The following DOCK10 variants were observed in gnomAD, a reference collection of about 807,000 sequenced individuals.
DOCK10 encodes the protein dedicator of cytokinesis 10.
DOCK10 carries 145 observed loss-of-function variants against 280.1 expected under a neutral mutation model. The observed-to-expected ratio is 0.52, with a 90% CI of 0.45 to 0.59. The LOEUF (loss-of-function observed/expected upper bound fraction) is 0.59, where lower values mean the gene tolerates loss of function less well. Ranked by LOEUF, DOCK10 falls within the 20% of genes least tolerant of loss-of-function variation. The pLI is 0.00. For missense variants in DOCK10, 2,368 were observed against 2,651.7 expected (o/e 0.89, Z 2.35); for synonymous variants, 915 against 942.2 (o/e 0.97, Z 0.53).
chr2:224,891,103 GTGGA>G (rs1387327561), intron 4 of DOCK10, among the ~76,000 whole-genome samples: 1 of 149,184 alleles, frequency 6.7e-6, no homozygotes, highest in African/African-American at 2.5e-5. Context: ...GGATGGATGG[GTGGA>G]TGGATGGACA....
intron 1 of DOCK10, among the ~76,000 whole-genome samples, chr2:225,014,081 A>ATATATATATATATATATATTTT (rs776104946): frequency 1.0e-5 from 1 of 96,800 alleles, no homozygotes; most frequent in African/African-American, 4.7e-5. Context: ...GTCTGAATAT[A>ATATATATATATATATATATTTT]TTGTTTTTTT....
intron 1 of DOCK10, among the ~76,000 whole-genome samples, chr2:225,004,618 G>A (rs948392633): frequency 6.6e-6 from 1 of 152,220 alleles, no homozygotes; most frequent in Non-Finnish European, 1.5e-5. Context: ...AGAAATGGGG[G>A]AGCTGTGTTT....
intron 4 of DOCK10, among the ~76,000 whole-genome samples, chr2:224,894,852 G>A (rs1461974620): frequency 6.6e-6 from 1 of 152,138 alleles, no homozygotes; most frequent in Non-Finnish European, 1.5e-5. Flanking sequence ...TCTCCATAGA[G>A]TAGCCCAAGA....
intron 53 of DOCK10, among the ~76,000 whole-genome samples, chr2:224,772,711 A>T (rs889358599): frequency 2.0e-5 from 3 of 152,250 alleles, no homozygotes; most frequent in African/African-American, 7.2e-5. Context: ...TGAGCATGCC[A>T]TCTGCTTCCT....
At position 225,041,534 on chromosome 2, in the gene DOCK10, C is replaced by T. The variant is rs146954826; in HGVS notation, c.123+718G>A. 9.9e-5 allele frequency among the ~76,000 whole-genome samples: 15 copies of T among 152,262 alleles called. No individual in the cohort carries two copies. In the East Asian group the frequency reaches 2.9e-3, roughly 29 times the overall value. ...CGGAAATCACCCAGCACTTAGAAGC[C>T]GTTTCAATAAGGAAGTAACCAGTAA... On this transcript the variant is annotated intron_variant, in intron 1 of 55. Transcript: ENST00000258390.
At chr2:224,822,626 C>T (rs1180445454) in intron 28 of DOCK10, among the ~76,000 whole-genome samples, 7 of 151,980 alleles carry the variant, frequency 4.6e-5, no homozygotes, top group East Asian at 3.9e-4. Context: ...GTGGGAGGAT[C>T]GCCTGAGCCC....
At chr2:224,845,943 C>G (rs1183429442) in intron 19 of DOCK10, among the ~76,000 whole-genome samples, 1 of 152,120 alleles carries the variant, frequency 6.6e-6, no homozygotes, top group East Asian at 1.9e-4. Flanking sequence ...AGGCTGGTCT[C>G]AAACTCCTGA....
At chr2:224,939,050 C>G (rs1338764709) in intron 1 of DOCK10, among the ~76,000 whole-genome samples, 1 of 152,212 alleles carries the variant, frequency 6.6e-6, no homozygotes, top group East Asian at 1.9e-4. Flanking sequence ...TCAGATTAAG[C>G]TGAATTTGGA....
At chr2:225,018,527 T>TATATATGTAATATTATATATATA (rs1689680523) in intron 1 of DOCK10, among the ~76,000 whole-genome samples, 1 of 34,558 alleles carries the variant, frequency 2.9e-5, no homozygotes, top group African/African-American at 9.4e-5. Context: ...ATATATATAA[T>TATATATGTAATATTATATATATA]ATATATGTAA....
intron 11 of DOCK10, among the ~76,000 whole-genome samples, chr2:224,870,848 A>G (rs1226216022): frequency 3.2e-5 from 2 of 63,482 alleles, no homozygotes; most frequent in East Asian, 7.1e-4. Context: ...TTTTTTTGAG[A>G]CGGAGTCTCA....
intron 1 of DOCK10, among the ~76,000 whole-genome samples, chr2:225,026,093 AG>A (rs1248226026): frequency 6.6e-6 from 1 of 152,132 alleles, no homozygotes; most frequent in African/African-American, 2.4e-5. Flanking sequence ...AAGAGAAAAA[AG>A]GAAGTGTCCT....
At chr2:225,018,953 A>G (rs2106094804) in intron 1 of DOCK10, among the ~76,000 whole-genome samples, 1 of 150,382 alleles carries the variant, frequency 6.6e-6, no homozygotes, top group African/African-American at 2.4e-5. Context: ...ATATGTATAT[A>G]TGTGTATATA....
At chr2:224,801,123 A>G (rs1559437842) in intron 40 of DOCK10, among the ~76,000 whole-genome samples, 1 of 151,948 alleles carries the variant, frequency 6.6e-6, no homozygotes. Context: ...CAGAGAGAAG[A>G]GATTGTAAAT....
chr2:224,959,912 C>G (rs1051782904), intron 1 of DOCK10, among the ~76,000 whole-genome samples: 8 of 152,120 alleles, frequency 5.3e-5, no homozygotes, highest in African/African-American at 1.9e-4. Flanking sequence ...TTTTCATCTG[C>G]TGGAGAAAAA....
chr2:224,873,439 C>T (rs1698416935), intron 11 of DOCK10, among the ~76,000 whole-genome samples: 1 of 151,540 alleles, frequency 6.6e-6, no homozygotes, highest in Admixed American at 6.6e-5. Context: ...ATTAGCTAGG[C>T]GGCCATGGTG....
chr2:225,042,358 G>C lies in DOCK10; in HGVS notation c.17C>G (p.Thr6Ser). 7.8e-7 allele frequency: 1 copy of C among 1,284,296 alleles called. No individual in the cohort carries two copies. Among genetic ancestry groups the C allele is most frequent in the Non-Finnish European group, 9.9e-7 (1 of 1,013,722 alleles). 79.6% of individuals were successfully genotyped at this position (1,284,296 alleles called of 1,614,324 possible). A position where few individuals can be genotyped will look rare whatever the true frequency, so the allele number is the denominator to read the frequency against. The change falls in exon 1 of 56, where the codon ACC becomes AGC. Residue 6 changes from threonine (T) to serine (S), a missense_variant. Around this residue, in one of 2 missense-constraint regions of DOCK10, gnomAD observed 1,209 missense variants for 1,250.9 expected, o/e 0.97. Transcript: ENST00000258390. This position sits in a 1 kb window ranked among gnomAD's most constrained non-coding sequence, Gnocchi z 5.1. ...CAACAGGCTCCGGGTGAACCTGCGG[G>C]TCCGCTCACCGGCCATCGCCGGTCA... is the stretch of plus-strand genomic sequence containing the variant. MAGERTRRFTRSLLRP... is the reference protein window; with the variant it reads MAGERSRRFTRSLLRP...
chr2:224,914,161 T>C (rs951980092), intron 3 of DOCK10, among the ~76,000 whole-genome samples: 3 of 152,350 alleles, frequency 2.0e-5, no homozygotes, highest in Non-Finnish European at 2.9e-5. Context: ...ATTTGTTGAA[T>C]TGGCCACTCT....
chr2:224,922,396 A>G (rs936776493), intron 2 of DOCK10, among the ~76,000 whole-genome samples: 17 of 152,204 alleles, frequency 1.1e-4, no homozygotes, highest in African/African-American at 3.6e-4. Flanking sequence ...AACTCTGGTC[A>G]ACAATTAGTA....
At chr2:225,014,395 T>C (rs1400879433) in intron 1 of DOCK10, among the ~76,000 whole-genome samples, 1 of 151,970 alleles carries the variant, frequency 6.6e-6, no homozygotes, top group Non-Finnish European at 1.5e-5. Flanking sequence ...CTTATAAAAA[T>C]AGAGAATTTA....
Sources: allele counts gnomAD v4.1 joint callset (sites outside exome capture counted in the v4.1 genomes callset), GRCh38; gene constraint gnomAD v4.1.1; regional missense constraint gnomAD v4.1.1; non-coding constraint Gnocchi (gnomAD v3.1); transcripts MANE v1.5; gene names NCBI Gene and HGNC (gene_info 2026-07-23, HGNC 2026-07-21).